The following TMEM245 variants were observed in gnomAD, a reference collection of about 807,000 sequenced individuals.
TMEM245 encodes protein CG-2.
A neutral mutation model predicts 101.2 loss-of-function variants in TMEM245; 69 were observed. The ratio of observed to expected loss-of-function variants is 0.68; its 90% CI spans 0.56 to 0.83. The LOEUF (loss-of-function observed/expected upper bound fraction) is 0.83. TMEM245 is among the 40% of genes least tolerant of loss of function. TMEM245 has a pLI of 0.00. For missense variants in TMEM245, 1,075 were observed against 1,092.8 expected (o/e 0.98, Z 0.23); for synonymous variants, 537 against 449.8 (o/e 1.19, Z -2.45).
intron 11 of TMEM245, among the ~76,000 whole-genome samples, chr9:109,059,430 A>G (rs1828941270): frequency 6.6e-6 from 1 of 152,078 alleles, no homozygotes; most frequent in Non-Finnish European, 1.5e-5. Context: ...TCCACTCTAT[A>G]CACAGCACGG....
chr9:109,082,662 TC>T (rs1373600021), intron 7 of TMEM245, among the ~76,000 whole-genome samples: 6 of 146,732 alleles, frequency 4.1e-5, no homozygotes, highest in Admixed American at 1.4e-4. Context: ...TTTTTTTTTT[TC>T]AGAAAAGTCA....
chr9:109,026,515 T>G (rs916865192), intron 17 of TMEM245, among the ~76,000 whole-genome samples: 1 of 151,296 alleles, frequency 6.6e-6, no homozygotes, highest in African/African-American at 2.4e-5. Flanking sequence ...CAATGGCACC[T>G]GGTGTATCTG....
chr9:109,034,449 T>C (rs1427428208), intron 16 of TMEM245, among the ~76,000 whole-genome samples: 1 of 152,214 alleles, frequency 6.6e-6, no homozygotes, highest in African/African-American at 2.4e-5. Context: ...CAAGGAAAAC[T>C]ATCAAAAATG....
At chr9:109,117,906 G>A (rs942256270) in intron 1 of TMEM245, among the ~76,000 whole-genome samples, 1 of 152,166 alleles carries the variant, frequency 6.6e-6, no homozygotes, top group African/African-American at 2.4e-5. Flanking sequence ...AGAAGCATTC[G>A]ATCCACTTAA....
chr9:109,077,225 A>G (rs969509315), intron 8 of TMEM245, among the ~76,000 whole-genome samples: 15 of 151,910 alleles, frequency 9.9e-5, no homozygotes, highest in Admixed American at 6.6e-5. Context: ...ATCACAGCTC[A>G]CTGCAGCCTC....
intron 17 of TMEM245, among the ~76,000 whole-genome samples, chr9:109,023,958 T>C (rs989975002): frequency 3.9e-5 from 6 of 152,138 alleles, no homozygotes; most frequent in Non-Finnish European, 8.8e-5. Flanking sequence ...TTGTGCAGTG[T>C]AGTCTCTCAC....
chr9:109,033,444 G>A lies in TMEM245; in HGVS notation c.2457C>T (p.Gly819=). 1 of 1,613,802 alleles carries A rather than the reference G, an allele frequency of 6.2e-7. No individual in the cohort carries two copies. Among genetic ancestry groups the A allele is most frequent in the Non-Finnish European group, 8.5e-7 (1 of 1,179,902 alleles). Residue 819 remains glycine (G), a synonymous_variant, in exon 17 of 18, where the codon GGC becomes GGT. Coordinates refer to ENST00000374586, the MANE Select transcript of TMEM245 (RefSeq NM_032012.4). The part of the protein sequence containing the change: ...LAVAGGAYYL[G]LEGAIIGPIL... ...TAGGACCGATGATTGCTCCTTCCAGGCCTAGGTAGTATGCTCCACCGGCCA... is the reference window on the plus strand; with the variant it reads ...TAGGACCGATGATTGCTCCTTCCAGACCTAGGTAGTATGCTCCACCGGCCA...
At chr9:109,048,985 A>G (rs1828588604) in intron 14 of TMEM245, among the ~76,000 whole-genome samples, 2 of 152,232 alleles carry the variant, frequency 1.3e-5, no homozygotes, top group African/African-American at 4.8e-5. Context: ...GAGGAGAAAC[A>G]GGAAGTCCAC....
intron 10 of TMEM245, among the ~76,000 whole-genome samples, chr9:109,063,022 G>A (rs1023200180): frequency 2.0e-5 from 3 of 152,302 alleles, no homozygotes; most frequent in Non-Finnish European, 4.4e-5. Flanking sequence ...ACTGTTGGTG[G>A]TGCCTGATAT....
intron 8 of TMEM245, among the ~76,000 whole-genome samples, chr9:109,080,245 A>C (rs1356753703): frequency 6.6e-6 from 1 of 152,088 alleles, no homozygotes; most frequent in Non-Finnish European, 1.5e-5. Context: ...ATTAAAATGT[A>C]CCATAAAAGT....
In TMEM245 at chr9:109,119,815, G is replaced by C. The variant is rs572552047; in HGVS notation, c.99C>G (p.Gly33=). 246 of 1,441,954 alleles carry C rather than the reference G, an allele frequency of 1.7e-4. 2 individuals carry two copies. In the African/African-American group the frequency reaches 3.2e-3, roughly 19 times the overall value. The allele number at this position is 1,441,954 out of a possible 1,614,324, so 89.3% of individuals were successfully genotyped here. ...VPRAVGPSGG[G]GETPRTAALA... ...GCGCCGCGGTCCGCGGGGTCTCCCC[G>C]CCACCGCCACTCGGCCCGACCGCGC... Residue 33 remains glycine (G), a synonymous_variant, in exon 1 of 18, where the codon GGC becomes GGG. Transcript: ENST00000374586.
chr9:109,071,483 A>C (rs1262744907), intron 9 of TMEM245, among the ~76,000 whole-genome samples: 1 of 151,856 alleles, frequency 6.6e-6, no homozygotes, highest in Non-Finnish European at 1.5e-5. Context: ...TCATGCCTGT[A>C]GTCCCAGCTA....
At chr9:109,066,471 A>G (rs1829169577) in intron 9 of TMEM245, among the ~76,000 whole-genome samples, 1 of 150,980 alleles carries the variant, frequency 6.6e-6, no homozygotes, top group Non-Finnish European at 1.5e-5. Flanking sequence ...AAAAAAAAAA[A>G]AAAAAAATTT....
intron 9 of TMEM245, among the ~76,000 whole-genome samples, chr9:109,069,253 A>T (rs958138534): frequency 6.6e-6 from 1 of 152,184 alleles, no homozygotes; most frequent in Admixed American, 6.5e-5. Context: ...AAACCGGTAC[A>T]AAAGGGCTCT....
At chr9:109,092,539 A>C (rs1830035151) in intron 4 of TMEM245, among the ~76,000 whole-genome samples, 1 of 152,238 alleles carries the variant, frequency 6.6e-6, no homozygotes, top group African/African-American at 2.4e-5. Flanking sequence ...TGTGACAGAT[A>C]TTTGGAAGAA....
chr9:109,083,430 A>G (rs906232518), intron 7 of TMEM245, among the ~76,000 whole-genome samples: 1 of 152,178 alleles, frequency 6.6e-6, no homozygotes, highest in Non-Finnish European at 1.5e-5. Flanking sequence ...AATGTCCCCA[A>G]TCTTTCCATG....
At chr9:109,082,004 A>G (rs1463683320) in intron 7 of TMEM245, among the ~76,000 whole-genome samples, 1 of 152,228 alleles carries the variant, frequency 6.6e-6, no homozygotes, top group East Asian at 1.9e-4. Flanking sequence ...AAACACCACA[A>G]TGCACTGCTC....
chr9:109,035,940 C>CAAAAAAA (rs10552841), intron 16 of TMEM245: 1 of 72,902 alleles, frequency 1.4e-5, no homozygotes, highest in African/African-American at 6.1e-5. Context: ...GATATTGTCT[C>CAAAAAAA]AAAAAAAAAA....
intron 6 of TMEM245, 22 bp downstream of exon 6, chr9:109,087,151 C>G: frequency 1.3e-6 from 2 of 1,588,120 alleles, no homozygotes; most frequent in Non-Finnish European, 1.7e-6. Context: ...TTAAGACAGC[C>G]CAAGTCCTTA....
Sources: gnomAD v4.1 joint callset for allele counts (sites outside exome capture counted in the v4.1 genomes callset) on GRCh38, gnomAD v4.1.1 for gene constraint, MANE v1.5 for transcripts, NCBI Gene and HGNC (gene_info 2026-07-23, HGNC 2026-07-21) for gene names.